The following FLACC1 variants were observed in gnomAD, a reference collection of about 807,000 sequenced individuals.
The protein encoded by FLACC1 is flagellum-associated coiled-coil domain-containing protein 1.
In FLACC1, 66 loss-of-function variants were observed where a neutral mutation model predicts 62.8. That is an observed-to-expected ratio of 1.05 (90% CI 0.86 to 1.29). The LOEUF (loss-of-function observed/expected upper bound fraction) is 1.29. Among genes scored for constraint, FLACC1 ranks in the 50% most tolerant of loss-of-function variants. FLACC1 has a pLI of 0.00. For missense variants in FLACC1, 452 were observed against 489.1 expected (o/e 0.92, Z 0.71); for synonymous variants, 156 against 161.0 (o/e 0.97, Z 0.24).
intron 5 of FLACC1, among the ~76,000 whole-genome samples, chr2:201,344,835 G>A (rs1454809984): frequency 6.6e-6 from 1 of 152,232 alleles, no homozygotes; most frequent in Admixed American, 6.5e-5. Flanking sequence ...GTGGTGCCAT[G>A]TGCAGTGGAG....
chr2:201,338,973 A>G (rs1257656486), intron 7 of FLACC1, among the ~76,000 whole-genome samples: 1 of 152,264 alleles, frequency 6.6e-6, no homozygotes, highest in African/African-American at 2.4e-5. Flanking sequence ...TTTTTTGAAT[A>G]GTTTAAGGAG....
chr2:201,343,238 T>A (rs1362203327), intron 6 of FLACC1, among the ~76,000 whole-genome samples: 1 of 152,218 alleles, frequency 6.6e-6, no homozygotes, highest in Non-Finnish European at 1.5e-5. Flanking sequence ...ATGGAAATAG[T>A]CTCTAAATAT....
chr2:201,319,372 A>T (rs907718092), intron 9 of FLACC1, among the ~76,000 whole-genome samples: 1 of 152,146 alleles, frequency 6.6e-6, no homozygotes, highest in Non-Finnish European at 1.5e-5. Context: ...AAGATGCCTT[A>T]AAGATTTAAA....
upstream of FLACC1, among the ~76,000 whole-genome samples, chr2:201,360,300 A>G (rs1312780015): frequency 6.6e-6 from 1 of 152,226 alleles, no homozygotes; most frequent in Non-Finnish European, 1.5e-5. Context: ...ACAAAGTATA[A>G]GTTGAAAAAT....
At chr2:201,310,221 C>T (rs775260172) in intron 9 of FLACC1, among the ~76,000 whole-genome samples, 32 of 151,168 alleles carry the variant, frequency 2.1e-4, no homozygotes, top group African/African-American at 6.8e-4. Flanking sequence ...ACCACTCACA[C>T]GTCTTAGGCT....
At chr2:201,300,966 A>T (rs1949968664) in intron 11 of FLACC1, among the ~76,000 whole-genome samples, 1 of 151,302 alleles carries the variant, frequency 6.6e-6, no homozygotes, top group African/African-American at 2.4e-5. Flanking sequence ...AACCACAAAG[A>T]TGGGGGGAAA....
At chr2:201,345,476 GTGTGTGTGTA>G (rs1317175770) in intron 5 of FLACC1, among the ~76,000 whole-genome samples, 24 of 150,838 alleles carry the variant, frequency 1.6e-4, no homozygotes, top group African/African-American at 5.4e-4. Context: ...GTGTGTGTGT[GTGTGTGTGTA>G]TGTGTGTGTG....
chr2:201,356,217 A>G (rs1951114295), intron 1 of FLACC1, among the ~76,000 whole-genome samples: 1 of 152,076 alleles, frequency 6.6e-6, no homozygotes, highest in Non-Finnish European at 1.5e-5. Flanking sequence ...CTGGAGTGCA[A>G]TGGTGTGGTC....
intron 7 of FLACC1, among the ~76,000 whole-genome samples, chr2:201,342,127 T>C (rs796426468): frequency 2.5e-4 from 38 of 152,314 alleles, no homozygotes; most frequent in African/African-American, 8.7e-4. Context: ...GAGATTATAA[T>C]TGAAATGAAA....
At chr2:201,313,140 A>G (rs1950247609) in intron 9 of FLACC1, among the ~76,000 whole-genome samples, 1 of 152,228 alleles carries the variant, frequency 6.6e-6, no homozygotes, top group Non-Finnish European at 1.5e-5. Context: ...AGGAACTCAG[A>G]AAACATCACA....
intron 7 of FLACC1, among the ~76,000 whole-genome samples, chr2:201,336,591 C>T (rs1044055614): frequency 6.6e-5 from 10 of 152,184 alleles, no homozygotes; most frequent in African/African-American, 2.4e-4. Flanking sequence ...CTCCAAACTG[C>T]TTTCCACAGT....
At chr2:201,355,009 G>T (rs1049530224) in intron 1 of FLACC1, among the ~76,000 whole-genome samples, 1 of 152,238 alleles carries the variant, frequency 6.6e-6, no homozygotes, top group Non-Finnish European at 1.5e-5. Flanking sequence ...GAAAAAGATG[G>T]TATGGTGGCT....
intron 9 of FLACC1, among the ~76,000 whole-genome samples, chr2:201,321,402 A>G (rs184839440): frequency 6.6e-6 from 1 of 152,322 alleles, no homozygotes; most frequent in Admixed American, 6.5e-5. Flanking sequence ...TCTTTCTGCT[A>G]GTGGGAAGTT....
chr2:201,357,803 A>AT (rs5837769), upstream of FLACC1, among the ~76,000 whole-genome samples: 45 of 150,638 alleles, frequency 3.0e-4, no homozygotes, highest in African/African-American at 4.1e-4. Flanking sequence ...AGGTTTTCCG[A>AT]TTTTTTTTTT....
intron 11 of FLACC1, among the ~76,000 whole-genome samples, chr2:201,304,668 C>T (rs1448945579): frequency 2.6e-5 from 4 of 152,176 alleles, no homozygotes; most frequent in Non-Finnish European, 4.4e-5. Flanking sequence ...CATCACACTA[C>T]CTGACTTCAA....
chr2:201,296,379 G>A (rs1949862193), intron 12 of FLACC1, among the ~76,000 whole-genome samples: 1 of 152,142 alleles, frequency 6.6e-6, no homozygotes, highest in East Asian at 1.9e-4. Flanking sequence ...GGATGAAGCT[G>A]GAAACCATCA....
intron 9 of FLACC1, among the ~76,000 whole-genome samples, chr2:201,312,213 TA>T (rs1200183009): frequency 1.3e-5 from 2 of 152,224 alleles, no homozygotes; most frequent in Non-Finnish European, 2.9e-5. Flanking sequence ...CTGGAACTGA[TA>T]AACAAGTTCA....
At chr2:201,351,477 G>A (rs1221935165) in intron 1 of FLACC1, 26 bp from the exon 2 acceptor site, 11 of 1,144,672 alleles carry the variant, frequency 9.6e-6, no homozygotes, top group African/African-American at 1.5e-5. Context: ...AACAGCAGAA[G>A]GTTAAACCAT....
intron 12 of FLACC1, among the ~76,000 whole-genome samples, chr2:201,294,127 T>C (rs750771813): frequency 3.9e-5 from 6 of 152,152 alleles, no homozygotes; most frequent in African/African-American, 1.2e-4. Context: ...TTTGAAACTA[T>C]TGCAATCAAT....
Sources: gnomAD v4.1 joint callset for allele counts (sites outside exome capture counted in the v4.1 genomes callset) on GRCh38, gnomAD v4.1.1 for gene constraint, MANE v1.5 for transcripts, NCBI Gene and HGNC (gene_info 2026-07-23, HGNC 2026-07-21) for gene names.